The following PITPNM2 variants were observed in gnomAD, a reference collection of about 807,000 sequenced individuals.
PITPNM2 encodes membrane-associated phosphatidylinositol transfer protein 2.
A neutral mutation model predicts 132.2 loss-of-function variants in PITPNM2; 35 were observed. The observed-to-expected ratio is 0.26, with a 90% CI of 0.20 to 0.35. PITPNM2 has a LOEUF of 0.35. PITPNM2 is among the 10% of genes least tolerant of loss of function. PITPNM2 has a pLI of 1.00. For synonymous variants in PITPNM2, 738 were observed against 799.2 expected (o/e 0.92, Z 1.29); for missense variants, 1,332 against 1,912.0 (o/e 0.70, Z 5.66).
rs547077176 is a variant in PITPNM2, at chr12:123,077,431, G to A, written c.-96+32954C>T. Among the ~76,000 whole-genome samples, 21 of 152,322 alleles carry A rather than the reference G, an allele frequency of 1.4e-4. 1 individual carries two copies. In the East Asian group the frequency reaches 3.5e-3, roughly 25 times the overall value. ...GAGCCCTGCCCCATCTAGGGCGCACGTGCATGCCTCTGAATTTCCTCCCCT... is the reference window on the plus strand; with the variant it reads ...GAGCCCTGCCCCATCTAGGGCGCACATGCATGCCTCTGAATTTCCTCCCCT... On this transcript the variant is annotated intron_variant, in intron 2 of 25. Coordinates refer to ENST00000320201, the MANE Select transcript of PITPNM2 (RefSeq NM_020845.3). This position sits in a 1 kb window ranked among gnomAD's most constrained non-coding sequence, Gnocchi z 4.8.
intron 8 of PITPNM2, among the ~76,000 whole-genome samples, chr12:123,002,029 C>G (rs920113183): frequency 6.9e-6 from 1 of 145,910 alleles, no homozygotes; most frequent in Non-Finnish European, 1.5e-5. Flanking sequence ...AAACTCTTGT[C>G]TCAAAAAAAA....
intron 2 of PITPNM2, among the ~76,000 whole-genome samples, chr12:123,101,879 G>A (rs1593015850): frequency 6.6e-6 from 1 of 152,298 alleles, no homozygotes; most frequent in Non-Finnish European, 1.5e-5. Flanking sequence ...GCAACATAGC[G>A]AGATCCCATC....
chr12:122,994,769 T>C lies in PITPNM2; in HGVS notation c.2233+32A>G. On this transcript the variant is annotated intron_variant, in intron 15 of 25. Coordinates refer to ENST00000320201, the MANE Select transcript of PITPNM2 (RefSeq NM_020845.3). This position sits in a 1 kb window ranked among gnomAD's most constrained non-coding sequence, Gnocchi z 5.4. Reference sequence around the variant, plus strand: ...CCCCCGCCCCCGCACCCAGTGCATGTACCCCCCATCCTGCCCCTGCTGGGC... The same window carrying C: ...CCCCCGCCCCCGCACCCAGTGCATGCACCCCCCATCCTGCCCCTGCTGGGC... 6.3e-7 allele frequency: 1 copy of C among 1,593,034 alleles called. No homozygotes were observed. The highest frequency in any genetic ancestry group is 8.5e-7 in the Non-Finnish European group (1 of 1,172,408).
intron 5 of PITPNM2, among the ~76,000 whole-genome samples, chr12:123,011,799 G>A (rs960666412): frequency 6.6e-6 from 1 of 152,168 alleles, no homozygotes; most frequent in Non-Finnish European, 1.5e-5. Context: ...TTCCCCAGGG[G>A]GAAGAACCCA....
At chr12:123,115,258 G>A (rs1401420701) in intron 1 of PITPNM2, among the ~76,000 whole-genome samples, 1 of 152,068 alleles carries the variant, frequency 6.6e-6, no homozygotes, top group Non-Finnish European at 1.5e-5. Context: ...AACAAACACT[G>A]TACTCTGGAG....
Position 122,986,518 on chromosome 12 carries a change from G to A in PITPNM2, c.3644C>T (p.Ala1215Val), listed in dbSNP as rs779662336. 9 of 1,596,558 alleles carry A rather than the reference G, an allele frequency of 5.6e-6. No homozygotes were observed. Among genetic ancestry groups the A allele is most frequent in the East Asian group, 2.3e-5 (1 of 44,170 alleles). Residue 1215 changes from alanine to valine, a missense_variant, in exon 25 of 26, where the codon GCG becomes GTG. Around this residue, in one of 6 missense-constraint regions of PITPNM2, gnomAD observed 251 missense variants for 472.0 expected, o/e 0.53. Coordinates refer to ENST00000320201, the MANE Select transcript of PITPNM2 (RefSeq NM_020845.3). ...GGACAGGCTAATGGCGCTGTACACC[G>A]CCACGTCCTTGGTGGAGCCATAGGC... The part of the protein sequence containing the change: ...HAAYGSTKDV[A>V]VYSAISLSPM...
chr12:123,018,009 T>TTCCTTCCC, intron 3 of PITPNM2, among the ~76,000 whole-genome samples: 1 of 139,124 alleles, frequency 7.2e-6, no homozygotes, highest in Non-Finnish European at 1.5e-5. Context: ...CCTTCCTTCC[T>TTCCTTCCC]TCCTTCCTTC....
chr12:123,030,324 C>T (rs893226379), intron 3 of PITPNM2, among the ~76,000 whole-genome samples: 2 of 152,208 alleles, frequency 1.3e-5, no homozygotes, highest in African/African-American at 4.8e-5. Flanking sequence ...CTGGTGGTTC[C>T]TGCAGACATC....
At chr12:123,067,776 A>C (rs1032581117) in intron 2 of PITPNM2, among the ~76,000 whole-genome samples, 3 of 152,174 alleles carry the variant, frequency 2.0e-5, no homozygotes, top group African/African-American at 4.8e-5. Context: ...CCAGGAAACT[A>C]GTACATTGGG....
At chr12:123,057,868 G>A (rs1038659399) in intron 2 of PITPNM2, among the ~76,000 whole-genome samples, 1 of 152,216 alleles carries the variant, frequency 6.6e-6, no homozygotes, top group Non-Finnish European at 1.5e-5. Context: ...CTAAGGCCCT[G>A]GGGGAATCAG....
intron 2 of PITPNM2, among the ~76,000 whole-genome samples, chr12:123,068,194 A>ACGGCCGGGCACGGCCGGGCG (rs141138502): frequency 8.6e-5 from 13 of 151,630 alleles, no homozygotes; most frequent in East Asian, 1.9e-4. Flanking sequence ...ACGGCCGGGC[A>ACGGCCGGGCACGGCCGGGCG]CGGTGGCTCA....
intron 16 of PITPNM2, chr12:122,991,854 G>C: frequency 7.6e-7 from 1 of 1,307,670 alleles, no homozygotes; most frequent in Non-Finnish European, 9.7e-7. Flanking sequence ...GGGGCCAGGG[G>C]GCCGCCCTCC....
Position 123,000,915 on chromosome 12 carries a change from T to C in PITPNM2, c.1154-67A>G. On this transcript the variant is annotated intron_variant, in intron 9 of 25. Coordinates refer to ENST00000320201, the MANE Select transcript of PITPNM2 (RefSeq NM_020845.3). The surrounding 1 kb of genome is among the most constrained non-coding windows in gnomAD (Gnocchi z 5.4). ...CCAACCTGGCCGACCGGACAGAGGC[T>C]GCAACTGTGACGAGGGGAGCTTGGG... 1 of 1,590,762 alleles carries C rather than the reference T, an allele frequency of 6.3e-7. No homozygotes were observed. Among genetic ancestry groups the C allele is most frequent in the Non-Finnish European group, 8.6e-7 (1 of 1,159,416 alleles).
intron 23 of PITPNM2, 89 bp downstream of exon 23, chr12:122,987,192 G>A: frequency 2.6e-6 from 4 of 1,562,042 alleles, no homozygotes; most frequent in Non-Finnish European, 3.5e-6. Flanking sequence ...CCCCACAGAG[G>A]CTCCGCTGTC....
chr12:123,095,962 C>G lies in PITPNM2; in HGVS notation c.-96+14423G>C, dbSNP rs1041229165. On this transcript the variant is annotated intron_variant, in intron 2 of 25. Transcript: ENST00000320201. The surrounding 1 kb of genome is among the most constrained non-coding windows in gnomAD (Gnocchi z 5.0). ...GGATCATCACCGCCCATGACTGATG[C>G]CTGTGATGGCCTGAGAGCTCCTTGA... Among the ~76,000 whole-genome samples, 1 of 152,232 alleles carries G rather than the reference C, an allele frequency of 6.6e-6. No individual in the cohort carries two copies. The highest frequency in any genetic ancestry group is 1.5e-5 in the Non-Finnish European group (1 of 68,042).
Position 122,986,697 on chromosome 12 carries a change from C to A in PITPNM2, c.3546G>T (p.Val1182=). 6.2e-7 allele frequency: 1 copy of A among 1,613,518 alleles called. No homozygotes were observed. Among genetic ancestry groups the A allele is most frequent in the South Asian group, 1.1e-5 (1 of 91,080 alleles). The change falls in exon 24 of 26, where the codon GTG becomes GTT. Residue 1182 remains valine (V), a synonymous_variant. Transcript: ENST00000320201. ...TGGCCTTGTGCCGCAGCGGGTCATG[C>A]ACCAGGCCGTCACAGAAGGACACCA... The part of the protein sequence containing the change: ...HGVVSFCDGL[V]HDPLRHKANF...
chr12:123,146,088 A>G (rs932441401), intron 1 of PITPNM2, among the ~76,000 whole-genome samples: 1 of 152,162 alleles, frequency 6.6e-6, no homozygotes, highest in Non-Finnish European at 1.5e-5. Context: ...TCTTACTTAT[A>G]AGTGGGAGCT....
chr12:123,114,686 G>A (rs1286203021), intron 1 of PITPNM2, among the ~76,000 whole-genome samples: 1 of 152,050 alleles, frequency 6.6e-6, no homozygotes, highest in African/African-American at 2.4e-5. Context: ...CAAGCAAGCT[G>A]CTTAACCTCT....
At position 122,996,770 on chromosome 12, in the gene PITPNM2, G is replaced by A; in HGVS notation, c.1613C>T (p.Ala538Val). 6.2e-7 allele frequency: 1 copy of A among 1,611,868 alleles called. No individual in the cohort carries two copies. The highest frequency in any genetic ancestry group is 8.5e-7 in the Non-Finnish European group (1 of 1,179,468). The change falls in exon 12 of 26, where the codon GCC (alanine) becomes GTC (valine). Residue 538 changes from alanine (A) to valine (V), a missense_variant. By Grantham distance (64) the Ala-to-Val change is moderately conservative (BLOSUM62 0). Around this residue, in one of 6 missense-constraint regions of PITPNM2, gnomAD observed 710 missense variants for 911.5 expected, o/e 0.78. Transcript: ENST00000320201. ...CTGGGACTTGATGAAGTCCCCATAG[G>A]CAAGGTTGGCTCGCTGAATCACTGT... is the stretch of plus-strand genomic sequence containing the variant. Reference protein sequence around the residue: ...VATVIQRANLAYGDFIKSQEG... With the variant: ...VATVIQRANLVYGDFIKSQEG...
Sources: allele counts gnomAD v4.1 joint callset (sites outside exome capture counted in the v4.1 genomes callset), GRCh38; gene constraint gnomAD v4.1.1; regional missense constraint gnomAD v4.1.1; non-coding constraint Gnocchi (gnomAD v3.1); transcripts MANE v1.5; gene names NCBI Gene and HGNC (gene_info 2026-07-23, HGNC 2026-07-21).